The following SH3RF3 variants were observed in gnomAD, a reference collection of about 807,000 sequenced individuals.
SH3RF3 encodes the protein SH3 domain containing ring finger 3, also known as E3 ubiquitin-protein ligase SH3RF3.
SH3RF3 carries 29 observed loss-of-function variants against 66.3 expected under a neutral mutation model. The observed-to-expected ratio is 0.44, with a 90% confidence interval of 0.33 to 0.60. The LOEUF is 0.60. SH3RF3 is among the 20% of genes least tolerant of loss of function. SH3RF3 has a pLI of 0.04. For synonymous variants in SH3RF3, 583 were observed against 532.0 expected (o/e 1.10, Z -1.32); for missense variants, 1,194 against 1,190.9 (o/e 1.00, Z -0.04).
chr2:109,499,854 G>C (rs1168185019), intron 9 of SH3RF3, among the ~76,000 whole-genome samples: 1 of 152,158 alleles, frequency 6.6e-6, no homozygotes, highest in African/African-American at 2.4e-5. Context: ...CAACATAACT[G>C]ACATTTGCAA....
At chr2:109,240,664 C>T (rs1044812473) in intron 1 of SH3RF3, among the ~76,000 whole-genome samples, 7 of 152,136 alleles carry the variant, frequency 4.6e-5, no homozygotes, top group African/African-American at 1.2e-4. Context: ...TTATTTCACA[C>T]GAACCAGAGA....
rs556113713 is a variant in SH3RF3 at position 109,502,181 on chromosome 2, T to G, written c.*510T>G. The G allele has an allele frequency of 1.3e-3, 200 of 152,890 alleles. No individual in the cohort carries two copies. Among genetic ancestry groups the G allele is most frequent in the Non-Finnish European group, 2.6e-3 (175 of 68,272 alleles). 9.5% of individuals were successfully genotyped at this position (152,890 alleles called of 1,614,324 possible). On this transcript the variant is annotated 3_prime_UTR_variant, in exon 10 of 10. Coordinates refer to ENST00000309415, the MANE Select transcript of SH3RF3 (RefSeq NM_001099289.3). ...CCGCCCGGCTGCTCAGCAGGGGTGT[T>G]TGTGAGGCCCTGGGGGTGCCCCGGA...
At chr2:109,162,816 A>G (rs1021871819) in intron 1 of SH3RF3, among the ~76,000 whole-genome samples, 11 of 152,206 alleles carry the variant, frequency 7.2e-5, no homozygotes, top group Non-Finnish European at 1.0e-4. Flanking sequence ...CAATGAGAAT[A>G]ATGTTTAGCC....
intron 1 of SH3RF3, among the ~76,000 whole-genome samples, chr2:109,143,726 C>T (rs1677022944): frequency 6.6e-6 from 1 of 151,958 alleles, no homozygotes; most frequent in Non-Finnish European, 1.5e-5. Flanking sequence ...TGCACTCCAG[C>T]CTGGGCAACA....
At chr2:109,405,729 T>C (rs1450485589) in intron 4 of SH3RF3, among the ~76,000 whole-genome samples, 8 of 152,160 alleles carry the variant, frequency 5.3e-5, no homozygotes, top group Admixed American at 3.3e-4. Flanking sequence ...ACCAAATCAA[T>C]TCCCCCACTG....
intron 1 of SH3RF3, among the ~76,000 whole-genome samples, chr2:109,342,069 G>A (rs547575081): frequency 1.1e-4 from 17 of 152,324 alleles, no homozygotes; most frequent in African/African-American, 2.9e-4. Context: ...ACACTTTTCT[G>A]CTGGCCACAT....
At chr2:109,484,129 C>T (rs537881948) in intron 8 of SH3RF3, among the ~76,000 whole-genome samples, 10 of 147,796 alleles carry the variant, frequency 6.8e-5, no homozygotes, top group Non-Finnish European at 1.0e-4. Context: ...AGTGCAGTGG[C>T]GTGATCTTGT....
chr2:109,493,061 C>T (rs972488395), intron 9 of SH3RF3, among the ~76,000 whole-genome samples: 1 of 88,210 alleles, frequency 1.1e-5, no homozygotes, highest in Non-Finnish European at 2.5e-5. Context: ...ATCATACAAA[C>T]ACACACACCA....
At position 109,315,339 on chromosome 2, in the gene SH3RF3, C is replaced by A. The variant is rs1456608434; in HGVS notation, c.574-32335C>A. On this transcript the variant is annotated intron_variant, in intron 1 of 9. Transcript: ENST00000309415. ...CTTGGAGTTCTTAACTAATGCCAAG[C>A]CAGGTAAAGTGCTTTGTTCATTGAG... Among the ~76,000 whole-genome samples, 5 of 152,150 alleles carry A rather than the reference C, an allele frequency of 3.3e-5. No individual in the cohort carries two copies. The East Asian group carries it at 7.7e-4, about 23-fold the overall frequency.
At chr2:109,437,826 G>A (rs1471896770) in intron 7 of SH3RF3, among the ~76,000 whole-genome samples, 1 of 152,222 alleles carries the variant, frequency 6.6e-6, no homozygotes, top group Non-Finnish European at 1.5e-5. Flanking sequence ...TGGTGGCTTA[G>A]TGTTGAGCTA....
intron 2 of SH3RF3, among the ~76,000 whole-genome samples, chr2:109,365,048 T>C (rs867446723): frequency 2.4e-5 from 3 of 125,560 alleles, no homozygotes; most frequent in South Asian, 5.5e-4. Flanking sequence ...CACACACACA[T>C]ATAAAACAAA....
At chr2:109,327,875 G>A (rs1416482268) in intron 1 of SH3RF3, among the ~76,000 whole-genome samples, 1 of 152,148 alleles carries the variant, frequency 6.6e-6, no homozygotes, top group Non-Finnish European at 1.5e-5. Context: ...TTTTGTGTCA[G>A]TTTAGCAATT....
At chr2:109,403,921 C>T (rs550201032) in intron 4 of SH3RF3, among the ~76,000 whole-genome samples, 21 of 152,288 alleles carry the variant, frequency 1.4e-4, no homozygotes, top group Non-Finnish European at 2.1e-4. Flanking sequence ...TGAGGGCGTG[C>T]GTGCGGGCTG....
intron 1 of SH3RF3, among the ~76,000 whole-genome samples, chr2:109,286,453 C>T (rs1681032343): frequency 6.6e-6 from 1 of 152,196 alleles, no homozygotes; most frequent in African/African-American, 2.4e-5. Context: ...TCACTCAGCA[C>T]ATGCTCTCTC....
Position 109,129,389 on chromosome 2 carries a change from C to T in SH3RF3, c.-152C>T, listed in dbSNP as rs1290029782. On this transcript the variant is annotated 5_prime_UTR_variant, in exon 1 of 10. Transcript: ENST00000309415. ...AGGCCGGTCGGTGAGCCACTTCGCA[C>T]CGCCACAGCCCTAGCATCGGGCCAC... 7.5e-7 allele frequency: 1 copy of T among 1,331,168 alleles called. No individual in the cohort carries two copies. Among genetic ancestry groups the T allele is most frequent in the African/African-American group, 1.5e-5 (1 of 65,336 alleles). The allele number at this position is 1,331,168 out of a possible 1,614,324, so 82.5% of individuals were successfully genotyped here.
chr2:109,350,127 A>G (rs1225564413), intron 2 of SH3RF3, among the ~76,000 whole-genome samples: 1 of 152,236 alleles, frequency 6.6e-6, no homozygotes. Context: ...CATATTTCAC[A>G]AGAAACAGTG....
At chr2:109,130,364 C>G (rs1285751080) in intron 1 of SH3RF3, among the ~76,000 whole-genome samples, 1 of 152,238 alleles carries the variant, frequency 6.6e-6, no homozygotes, top group Non-Finnish European at 1.5e-5. Flanking sequence ...CGCTCACCCC[C>G]GATTCCTTGG....
intron 1 of SH3RF3, among the ~76,000 whole-genome samples, chr2:109,262,154 G>A (rs1259259618): frequency 1.8e-4 from 27 of 152,116 alleles, no homozygotes; most frequent in Non-Finnish European, 1.8e-4. Flanking sequence ...ACAGTGCTGG[G>A]GTCTTTCCTG....
At chr2:109,245,177 T>G (rs1409919718) in intron 1 of SH3RF3, among the ~76,000 whole-genome samples, 1 of 152,178 alleles carries the variant, frequency 6.6e-6, no homozygotes, top group Non-Finnish European at 1.5e-5. Context: ...GTTCTTGCCA[T>G]GTGGCTTCTG....
Sources: allele counts gnomAD v4.1 joint callset (sites outside exome capture counted in the v4.1 genomes callset), GRCh38; gene constraint gnomAD v4.1.1; transcripts MANE v1.5; gene names NCBI Gene and HGNC (gene_info 2026-07-23, HGNC 2026-07-21).